SLC22A15: variants seen among roughly 807,000 people sequenced by gnomAD.
SLC22A15 encodes flipt 1.
A neutral mutation model predicts 62.7 loss-of-function variants in SLC22A15; 45 were observed. The observed-to-expected ratio is 0.72, with a 90% CI of 0.56 to 0.92. SLC22A15 has a LOEUF of 0.92. SLC22A15 is among the 40% of genes least tolerant of loss of function. The pLI is 0.00. For missense variants in SLC22A15, 622 were observed against 665.6 expected (o/e 0.93, Z 0.72); for synonymous variants, 264 against 267.0 (o/e 0.99, Z 0.11).
intron 1 of SLC22A15, among the ~76,000 whole-genome samples, chr1:115,983,693 A>G (rs761196886): frequency 6.6e-6 from 1 of 152,174 alleles, no homozygotes; most frequent in Non-Finnish European, 1.5e-5. Context: ...ACCTTGATGA[A>G]GTGGCTGCCT....
chr1:116,056,525 T>C (rs1658211610), intron 8 of SLC22A15, among the ~76,000 whole-genome samples: 1 of 151,366 alleles, frequency 6.6e-6, no homozygotes, highest in Non-Finnish European at 1.5e-5. Context: ...AAGCTACCAA[T>C]GACTTTCTTC....
chr1:116,025,484 G>A (rs1657042641), intron 4 of SLC22A15, among the ~76,000 whole-genome samples: 1 of 152,186 alleles, frequency 6.6e-6, no homozygotes, highest in Non-Finnish European at 1.5e-5. Flanking sequence ...CAGTATACAA[G>A]CCATCACTTA....
intron 2 of SLC22A15, among the ~76,000 whole-genome samples, chr1:115,996,198 T>C (rs1402705981): frequency 1.3e-5 from 2 of 152,246 alleles, no homozygotes; most frequent in African/African-American, 4.8e-5. Context: ...TATCTGCAGA[T>C]TCATCTAGGC....
chr1:115,989,251 G>T (rs1041032235), intron 1 of SLC22A15, among the ~76,000 whole-genome samples: 4 of 152,090 alleles, frequency 2.6e-5, no homozygotes, highest in African/African-American at 9.7e-5. Flanking sequence ...TTGCTAGAAA[G>T]AAAACTGGTT....
At chr1:116,018,514 A>G (rs1018764640) in intron 2 of SLC22A15, among the ~76,000 whole-genome samples, 1 of 152,046 alleles carries the variant, frequency 6.6e-6, no homozygotes, top group Non-Finnish European at 1.5e-5. Context: ...ACAGGCGTCC[A>G]CCACCACGCC....
At chr1:116,050,003 T>C (rs1476794164) in intron 8 of SLC22A15, among the ~76,000 whole-genome samples, 2 of 152,064 alleles carry the variant, frequency 1.3e-5, no homozygotes, top group African/African-American at 4.8e-5. Flanking sequence ...TAGGAAGAGA[T>C]GGATAAGTTC....
chr1:115,999,579 C>A (rs974739658), intron 2 of SLC22A15, among the ~76,000 whole-genome samples: 4 of 150,122 alleles, frequency 2.7e-5, no homozygotes, highest in Non-Finnish European at 5.9e-5. Context: ...TCTCAGCTTA[C>A]TGCAACCTCC....
intron 4 of SLC22A15, among the ~76,000 whole-genome samples, chr1:116,024,480 A>G (rs1466016787): frequency 6.6e-6 from 1 of 152,250 alleles, no homozygotes; most frequent in African/African-American, 2.4e-5. Flanking sequence ...TTAAAGGCAT[A>G]TACATGGTTA....
chr1:115,986,134 C>T (rs938892375), intron 1 of SLC22A15, among the ~76,000 whole-genome samples: 5 of 152,040 alleles, frequency 3.3e-5, no homozygotes, highest in Non-Finnish European at 7.4e-5. Context: ...TGAGCCACCA[C>T]ACCTGGCCTA....
intron 4 of SLC22A15, among the ~76,000 whole-genome samples, chr1:116,021,160 C>T (rs1456233890): frequency 1.3e-5 from 2 of 152,160 alleles, no homozygotes; most frequent in African/African-American, 4.8e-5. Context: ...TATTGATTTC[C>T]TCGGAAGGAC....
At chr1:116,038,758 A>G (rs1006852429) in intron 8 of SLC22A15, among the ~76,000 whole-genome samples, 2 of 152,204 alleles carry the variant, frequency 1.3e-5, no homozygotes, top group African/African-American at 4.8e-5. Context: ...TGTTTTGCAC[A>G]GGTACCTTGA....
At chr1:116,000,881 C>T (rs1231168568) in intron 2 of SLC22A15, among the ~76,000 whole-genome samples, 3 of 152,098 alleles carry the variant, frequency 2.0e-5, no homozygotes, top group Non-Finnish European at 4.4e-5. Context: ...ATCTGCCTGC[C>T]TTGGCCTCCC....
intron 8 of SLC22A15, among the ~76,000 whole-genome samples, chr1:116,042,175 A>G (rs549557102): frequency 2.0e-5 from 3 of 152,016 alleles, no homozygotes; most frequent in East Asian, 1.9e-4. Flanking sequence ...AATACCTCCC[A>G]CAAGTAGAAG....
At chr1:116,026,324 C>T (rs998196036) in intron 4 of SLC22A15, among the ~76,000 whole-genome samples, 3 of 151,440 alleles carry the variant, frequency 2.0e-5, no homozygotes, top group Admixed American at 6.6e-5. Flanking sequence ...GAGGCTGAGG[C>T]AGAGAATTGC....
At chr1:116,010,412 A>T (rs1204368241) in intron 2 of SLC22A15, among the ~76,000 whole-genome samples, 1 of 151,982 alleles carries the variant, frequency 6.6e-6, no homozygotes, top group Non-Finnish European at 1.5e-5. Context: ...TTAGGGGCTA[A>T]TTTTTTTTAA....
At chr1:116,064,542 AT>A (rs1557911282) in intron 10 of SLC22A15, 34 bp downstream of exon 10, 6 of 1,419,576 alleles carry the variant, frequency 4.2e-6, no homozygotes. Flanking sequence ...GTTTTTCTTG[AT>A]TCTCTGCTTT....
At chr1:116,028,188 A>G (rs1234946173) in intron 5 of SLC22A15, among the ~76,000 whole-genome samples, 2 of 152,324 alleles carry the variant, frequency 1.3e-5, no homozygotes, top group South Asian at 4.1e-4. Context: ...GAGAATGTTA[A>G]GTGCAAAAAT....
intron 1 of SLC22A15, among the ~76,000 whole-genome samples, chr1:115,991,003 C>G (rs1240350691): frequency 1.3e-5 from 2 of 152,166 alleles, no homozygotes; most frequent in Non-Finnish European, 2.9e-5. Flanking sequence ...AGTGATCCAC[C>G]TGCCTCGGCC....
At chr1:116,020,699 G>C in intron 3 of SLC22A15, 22 bp from the exon 4 acceptor site, 1 of 1,587,482 alleles carries the variant, frequency 6.3e-7, no homozygotes, top group Non-Finnish European at 8.6e-7. Context: ...CTGGATTATT[G>C]AATATTGTTT....
Sources: allele counts gnomAD v4.1 joint callset (sites outside exome capture counted in the v4.1 genomes callset), GRCh38; gene constraint gnomAD v4.1.1; transcripts MANE v1.5; gene names NCBI Gene and HGNC (gene_info 2026-07-23, HGNC 2026-07-21).